The following MGST1 variants were observed in gnomAD, a reference collection of about 807,000 sequenced individuals.
MGST1 encodes the protein microsomal glutathione S-transferase 1.
Under a neutral mutation model 8.9 loss-of-function variants are expected in MGST1, and 5 were observed. That is an observed-to-expected ratio of 0.56 (90% CI 0.29 to 1.19). The LOEUF is 1.19. MGST1 is among the 50% of genes most tolerant of loss of function. MGST1 has a pLI of 0.08. For synonymous variants in MGST1, 54 were observed against 67.8 expected (o/e 0.80, Z 1.00); for missense variants, 182 against 187.4 (o/e 0.97, Z 0.17).
At chr12:16,471,131 C>T (rs936068433) in intron 4 of MGST1, among the ~76,000 whole-genome samples, 2 of 152,150 alleles carry the variant, frequency 1.3e-5, no homozygotes, top group South Asian at 4.1e-4. Flanking sequence ...AACCATTTAT[C>T]GCCGTAATGG....
At chr12:16,360,094 A>G (rs1218549372) in intron 3 of MGST1, among the ~76,000 whole-genome samples, 2 of 152,200 alleles carry the variant, frequency 1.3e-5, no homozygotes, top group Non-Finnish European at 2.9e-5. Context: ...GTGATGAGAC[A>G]CTGGCTTTTC....
intron 1 of MGST1, among the ~76,000 whole-genome samples, chr12:16,351,929 G>T (rs1015219249): frequency 2.0e-5 from 3 of 152,182 alleles, no homozygotes; most frequent in Non-Finnish European, 2.9e-5. Flanking sequence ...GAAGATGACA[G>T]ATATAAGGGG....
intron 1 of MGST1, among the ~76,000 whole-genome samples, chr12:16,414,410 T>TA (rs1940768405): frequency 2.0e-5 from 3 of 149,458 alleles, no homozygotes; most frequent in African/African-American, 7.4e-5. Context: ...TTTTTTTATT[T>TA]TTTATTTATT....
chr12:16,519,902 A>G (rs1277684835), intron 4 of MGST1, among the ~76,000 whole-genome samples: 1 of 152,188 alleles, frequency 6.6e-6, no homozygotes, highest in Non-Finnish European at 1.5e-5. Context: ...CAACATTTGT[A>G]TATGTCTTAA....
Position 16,376,091 on chromosome 12 carries a change from T to C in MGST1, c.222-31T>C, listed in dbSNP as rs1254460382. ...GTGTGTATATAGTCTTTGAAGGATA[T>C]TAAAAATCTTATTTTTTTTTAATTG... On this transcript the variant is annotated intron_variant, in intron 3 of 3. Coordinates refer to the MGST1 transcript ENST00000535309. The C allele has an allele frequency of 3.9e-6, 5 of 1,275,690 alleles. No homozygotes were observed. The Admixed American group carries it at 7.2e-5, about 18-fold the overall frequency. 79.0% of individuals were successfully genotyped at this position (1,275,690 alleles called of 1,614,324 possible). A position where few individuals can be genotyped will look rare whatever the true frequency, so the allele number is the denominator to read the frequency against.
intron 4 of MGST1, among the ~76,000 whole-genome samples, chr12:16,509,705 A>C (rs1452394982): frequency 6.6e-6 from 1 of 152,182 alleles, no homozygotes. Flanking sequence ...AGGAGCATGT[A>C]GTCTTCCGGA....
At chr12:16,351,236 G>A (rs1939447125) in intron 1 of MGST1, among the ~76,000 whole-genome samples, 1 of 152,054 alleles carries the variant, frequency 6.6e-6, no homozygotes, top group African/African-American at 2.4e-5. Context: ...CAGAGGCCTG[G>A]GACTTAGGGA....
intron 1 of MGST1, among the ~76,000 whole-genome samples, chr12:16,353,137 T>C (rs1178755486): frequency 6.6e-6 from 1 of 151,916 alleles, no homozygotes. Flanking sequence ...GGGTTCATGC[T>C]ATTCTCCTGC....
intron 4 of MGST1, among the ~76,000 whole-genome samples, chr12:16,498,521 G>T (rs555828541): frequency 6.6e-6 from 1 of 152,260 alleles, no homozygotes; most frequent in Admixed American, 6.5e-5. Context: ...GACATAGAGT[G>T]CAAGTCCTCC....
rs956694551 is a variant in MGST1, at chr12:16,361,007, C to T, written c.222-2788C>T. On this transcript the variant is annotated intron_variant, in intron 3 of 3. Transcript: ENST00000396210. The surrounding 1 kb of genome is among the most constrained non-coding windows in gnomAD (Gnocchi z 4.2). ...CCCCCCTCCCCGCCCCCAAAAGACC[C>T]ACATGCATATAGGAATGGGAGAATG... is the stretch of plus-strand genomic sequence containing the variant. 6.6e-6 allele frequency among the ~76,000 whole-genome samples: 1 copy of T among 151,686 alleles called. No homozygotes were observed. The highest frequency in any genetic ancestry group is 2.4e-5 in the African/African-American group (1 of 41,250).
At chr12:16,518,830 A>C (rs1264812046) in intron 4 of MGST1, among the ~76,000 whole-genome samples, 1 of 152,238 alleles carries the variant, frequency 6.6e-6, no homozygotes, top group African/African-American at 2.4e-5. Flanking sequence ...GTCCAAAGCA[A>C]ATAGACATTT....
At chr12:16,564,588 C>CTA (rs1443448093) in intron 4 of MGST1, among the ~76,000 whole-genome samples, 2 of 152,148 alleles carry the variant, frequency 1.3e-5, no homozygotes, top group Non-Finnish European at 2.9e-5. Context: ...CCAGATGTTT[C>CTA]TATAGATTTT....
chr12:16,493,015 G>A (rs1047122105), intron 4 of MGST1, among the ~76,000 whole-genome samples: 17 of 152,238 alleles, frequency 1.1e-4, no homozygotes, highest in African/African-American at 3.4e-4. Context: ...TTTCTCCCCC[G>A]AGGAATGCAC....
rs1239462836 is a variant in MGST1 at position 16,537,241 on chromosome 12, T to C, written n.483-52287T>C. Among the ~76,000 whole-genome samples, 4 of 152,204 alleles carry C rather than the reference T, an allele frequency of 2.6e-5. No homozygotes were observed. Among genetic ancestry groups the C allele is most frequent in the African/African-American group, 7.2e-5 (3 of 41,450 alleles). ...TTTTAAAGCTCCAAAATTATTTCCT[T>C]TGACTCCATGTCTCACATCCAGGTC... On this transcript the variant is annotated intron_variant and non_coding_transcript_variant, in intron 4 of 4. Coordinates refer to the MGST1 transcript ENST00000538857. This position sits in a 1 kb window ranked among gnomAD's most constrained non-coding sequence, Gnocchi z 4.6.
At chr12:16,524,954 T>C (rs545016629) in intron 4 of MGST1, among the ~76,000 whole-genome samples, 25 of 152,148 alleles carry the variant, frequency 1.6e-4, no homozygotes, top group Non-Finnish European at 3.1e-4. Flanking sequence ...CCCATTGTAA[T>C]CCTATAGATG....
chr12:16,507,252 G>C (rs12372780), intron 4 of MGST1, among the ~76,000 whole-genome samples: 1 of 152,172 alleles, frequency 6.6e-6, no homozygotes, highest in Non-Finnish European at 1.5e-5. Flanking sequence ...TTGGTAGAGA[G>C]AAAATATTAG....
At chr12:16,416,384 G>A (rs986349507) in intron 1 of MGST1, among the ~76,000 whole-genome samples, 1 of 152,168 alleles carries the variant, frequency 6.6e-6, no homozygotes, top group African/African-American at 2.4e-5. Context: ...CTAACACTGA[G>A]GATTGTAGTG....
At chr12:16,563,382 C>G (rs1487146871) in intron 4 of MGST1, among the ~76,000 whole-genome samples, 1 of 152,092 alleles carries the variant, frequency 6.6e-6, no homozygotes, top group Non-Finnish European at 1.5e-5. Context: ...ATGGGATTTT[C>G]AAATGTATAA....
At chr12:16,366,208 A>G (rs1940185035), downstream of MGST1, among the ~76,000 whole-genome samples, 1 of 152,224 alleles carries the variant, frequency 6.6e-6, no homozygotes, top group Non-Finnish European at 1.5e-5. The surrounding 1 kb of genome is among the most constrained non-coding windows in gnomAD (Gnocchi z 4.0). Context: ...GAACACACGT[A>G]AGGAAAAGTG....
Sources: gnomAD v4.1 joint callset for allele counts (sites outside exome capture counted in the v4.1 genomes callset) on GRCh38, gnomAD v4.1.1 for gene constraint, Gnocchi (gnomAD v3.1) non-coding constraint, MANE v1.5 for transcripts, NCBI Gene and HGNC (gene_info 2026-07-23, HGNC 2026-07-21) for gene names.